Variants in REL observed in about 807,000 individuals in gnomAD.
REL encodes the protein REL proto-oncogene, NF-kB subunit.
In REL, 15 loss-of-function variants were observed where a neutral mutation model predicts 45.9. The observed-to-expected ratio is 0.33, with a 90% CI of 0.22 to 0.50. The LOEUF is 0.50. Ranked by LOEUF, REL falls within the 20% of genes least tolerant of loss-of-function variation. REL has a pLI of 0.98. For missense variants in REL, 601 were observed against 715.2 expected (o/e 0.84, Z 1.82); for synonymous variants, 239 against 242.1 (o/e 0.99, Z 0.12).
intron 7 of REL, among the ~76,000 whole-genome samples, chr2:60,919,291 G>T (rs1341795919): frequency 6.6e-6 from 1 of 152,124 alleles, no homozygotes; most frequent in Non-Finnish European, 1.5e-5. Flanking sequence ...CTGGAGTACA[G>T]TGGCATGATC....
At position 60,926,507 on chromosome 2, in the gene REL, T is replaced by C. The variant is rs1573352937; in HGVS notation, c.*3972T>C. Reference sequence around the variant, plus strand: ...CCTCTTTGCATACTCCTCTGGGTTTTCTGTGGTAGTCAAGATTCCTCCCTG... The same window carrying C: ...CCTCTTTGCATACTCCTCTGGGTTTCCTGTGGTAGTCAAGATTCCTCCCTG... On this transcript the variant is annotated 3_prime_UTR_variant, in exon 10 of 10. Coordinates refer to ENST00000394479, the MANE Select transcript of REL (RefSeq NM_001291746.2). 3 of 232,044 alleles carry C rather than the reference T, an allele frequency of 1.3e-5. No individual in the cohort carries two copies. The East Asian group carries it at 1.8e-4, about 14-fold the overall frequency. 14.4% of individuals were successfully genotyped at this position (232,044 alleles called of 1,614,324 possible).
At chr2:60,908,984 T>C (rs2103963183) in intron 4 of REL, among the ~76,000 whole-genome samples, 1 of 152,328 alleles carries the variant, frequency 6.6e-6, no homozygotes, top group South Asian at 2.1e-4. Context: ...TTTGAAAAAA[T>C]GGCTCATGTG....
intron 2 of REL, among the ~76,000 whole-genome samples, chr2:60,893,333 G>C (rs1673267587): frequency 6.6e-6 from 1 of 152,124 alleles, no homozygotes; most frequent in Non-Finnish European, 1.5e-5. Flanking sequence ...TTGAATTCCA[G>C]ATTTCTATTT....
At chr2:60,908,204 G>C (rs995307782) in intron 4 of REL, among the ~76,000 whole-genome samples, 1 of 152,048 alleles carries the variant, frequency 6.6e-6, no homozygotes, top group African/African-American at 2.4e-5. Flanking sequence ...TTGTGGACAG[G>C]GTCTGTGATG....
chr2:60,882,198 A>C (rs1672958310), intron 1 of REL, among the ~76,000 whole-genome samples: 1 of 152,146 alleles, frequency 6.6e-6, no homozygotes, highest in African/African-American at 2.4e-5. Context: ...TTAGAACAGG[A>C]ATGAGGAACC....
chr2:60,885,503 A>G (rs945236421), intron 1 of REL, among the ~76,000 whole-genome samples: 2 of 152,182 alleles, frequency 1.3e-5, no homozygotes, highest in African/African-American at 4.8e-5. Flanking sequence ...TTTACCTTGT[A>G]GTGCATAAAT....
At chr2:60,916,731 C>T (rs1478230110) in intron 4 of REL, 146 bp from the exon 5 acceptor site, 9 of 484,070 alleles carry the variant, frequency 1.9e-5, no homozygotes, top group South Asian at 1.5e-4. Flanking sequence ...AAAAGGCATT[C>T]TTGAGATTGT....
intron 4 of REL, among the ~76,000 whole-genome samples, chr2:60,904,936 G>A (rs975987229): frequency 2.0e-5 from 3 of 152,148 alleles, no homozygotes; most frequent in Non-Finnish European, 2.9e-5. Context: ...TATAGCTGAT[G>A]AGTGGTAGAG....
At chr2:60,906,959 GC>G (rs1490537831) in intron 4 of REL, among the ~76,000 whole-genome samples, 1 of 129,308 alleles carries the variant, frequency 7.7e-6, no homozygotes, top group African/African-American at 2.9e-5. Flanking sequence ...CGCTCTTGTT[GC>G]CCAGGCTGGA....
At chr2:60,901,613 T>G (rs1673500273) in intron 4 of REL, among the ~76,000 whole-genome samples, 1 of 152,236 alleles carries the variant, frequency 6.6e-6, no homozygotes, top group Non-Finnish European at 1.5e-5. Flanking sequence ...TTGGTATTGT[T>G]GGAGAGTGTC....
At position 60,923,353 on chromosome 2, in the gene REL, A is replaced by G. The variant is rs559941141; in HGVS notation, c.*818A>G. ...TATACTATTTCAATCTATGCCTTTA[A>G]AGTTGCTTATGATTTTAGCTGTACA... On this transcript the variant is annotated 3_prime_UTR_variant, in exon 10 of 10. Transcript: ENST00000394479. 2 of 229,090 alleles carry G rather than the reference A, an allele frequency of 8.7e-6. No homozygotes were observed. The highest frequency in any genetic ancestry group is 4.4e-5 in the African/African-American group (2 of 45,192). 14.2% of individuals were successfully genotyped at this position (229,090 alleles called of 1,614,324 possible).
rs564650092 is a variant in REL, at chr2:60,916,397, G to T, written c.395-480G>T. Among the ~76,000 whole-genome samples, 7 of 152,324 alleles carry T rather than the reference G, an allele frequency of 4.6e-5. 1 individual carries two copies. The South Asian group carries it at 1.4e-3, about 32-fold the overall frequency. On this transcript the variant is annotated intron_variant, in intron 4 of 9. Coordinates refer to ENST00000394479, the MANE Select transcript of REL (RefSeq NM_001291746.2). ...TCACTGCACTCCAGCCTGGGCAACA[G>T]AGTGAGACCCCCATGTCAAAAAAAC... is the stretch of plus-strand genomic sequence containing the variant.
intron 3 of REL, among the ~76,000 whole-genome samples, chr2:60,895,620 A>G (rs1393173045): frequency 2.0e-5 from 3 of 152,242 alleles, no homozygotes; most frequent in Admixed American, 6.5e-5. Flanking sequence ...GTAATACTTC[A>G]TGATAGTGAG....
intron 4 of REL, 34 bp from the exon 5 acceptor site, chr2:60,916,843 T>G: frequency 6.5e-7 from 1 of 1,547,658 alleles, no homozygotes; most frequent in Non-Finnish European, 8.9e-7. Context: ...TCTATGTGAC[T>G]ATTACATTTA....
rs1558833193 is a variant in REL at position 60,931,048 on chromosome 2, T to G, written c.*8513T>G. 6.6e-6 allele frequency: 1 copy of G among 152,368 alleles called. No homozygotes were observed. Among genetic ancestry groups the G allele is most frequent in the Non-Finnish European group, 1.5e-5 (1 of 68,040 alleles). 9.4% of individuals were successfully genotyped at this position (152,368 alleles called of 1,614,324 possible). ...ACTTTATTATCTAATCAAACATAGTTTTCCATAAGATGTAATAAAATATAG... is the reference window on the plus strand; with the variant it reads ...ACTTTATTATCTAATCAAACATAGTGTTCCATAAGATGTAATAAAATATAG... On this transcript the variant is annotated 3_prime_UTR_variant, in exon 10 of 10. Coordinates refer to ENST00000394479, the MANE Select transcript of REL (RefSeq NM_001291746.2).
intron 1 of REL, among the ~76,000 whole-genome samples, chr2:60,889,884 T>C (rs1673165292): frequency 6.6e-6 from 1 of 152,236 alleles, no homozygotes; most frequent in South Asian, 2.1e-4. Flanking sequence ...GTCTTTGCTA[T>C]TGTGAAGAGT....
At chr2:60,915,925 T>A (rs1406130672) in intron 4 of REL, among the ~76,000 whole-genome samples, 1 of 152,220 alleles carries the variant, frequency 6.6e-6, no homozygotes, top group Non-Finnish European at 1.5e-5. Context: ...ATTTTTTTGT[T>A]TCTTGGTATT....
chr2:60,912,336 A>G (rs1378474583), intron 4 of REL, among the ~76,000 whole-genome samples: 1 of 152,168 alleles, frequency 6.6e-6, no homozygotes, highest in African/African-American at 2.4e-5. Flanking sequence ...TTCAATATTT[A>G]ATATTGCAAG....
At chr2:60,916,540 T>C (rs1040415772) in intron 4 of REL, among the ~76,000 whole-genome samples, 2 of 152,258 alleles carry the variant, frequency 1.3e-5, no homozygotes, top group Non-Finnish European at 2.9e-5. Context: ...ACTTGTTGAA[T>C]GAATGGGTAA....
Sources: allele counts gnomAD v4.1 joint callset (sites outside exome capture counted in the v4.1 genomes callset), GRCh38; gene constraint gnomAD v4.1.1; transcripts MANE v1.5; gene names NCBI Gene and HGNC (gene_info 2026-07-23, HGNC 2026-07-21).